Variants in PDE1A observed in about 807,000 individuals in gnomAD.
PDE1A encodes phosphodiesterase 1A, also known as dual specificity calcium/calmodulin-dependent 3',5'-cyclic nucleotide phosphodiesterase 1A.
A neutral mutation model predicts 61.7 loss-of-function variants in PDE1A; 35 were observed. The observed-to-expected ratio is 0.57, with a 90% CI of 0.43 to 0.75. The LOEUF is 0.75. Ranked by LOEUF, PDE1A falls within the 30% of genes least tolerant of loss-of-function variation. The pLI is 0.00. For synonymous variants in PDE1A, 232 were observed against 213.2 expected, an observed-to-expected ratio of 1.09 and a Z score of -0.77; for missense variants, 597 against 630.6, an observed-to-expected ratio of 0.95 and a Z score of 0.57.
At chr2:182,716,166 C>G in the PDE1A span, 1 of 152,462 alleles carries the variant, frequency 6.6e-6, no homozygotes, top group Non-Finnish European at 1.5e-5. Flanking sequence ...CCCTCTCCAC[C>G]CCACCGCCGC....
At chr2:182,256,181 C>T (rs1370521079) in intron 2 of PDE1A, among the ~76,000 whole-genome samples, 2 of 142,858 alleles carry the variant, frequency 1.4e-5, no homozygotes, top group African/African-American at 5.4e-5. Flanking sequence ...GTGCGCTGCA[C>T]CCACTAACTC....
chr2:182,595,642 C>G, the PDE1A span, among the ~76,000 whole-genome samples: 1 of 152,192 alleles, frequency 6.6e-6, no homozygotes, highest in African/African-American at 2.4e-5. Flanking sequence ...GTCTCTTTCT[C>G]CCTCTGAAGT....
intron 1 of PDE1A, among the ~76,000 whole-genome samples, chr2:182,268,353 G>A (rs1006258186): frequency 9.9e-5 from 15 of 151,914 alleles, no homozygotes; most frequent in Non-Finnish European, 1.2e-4. Flanking sequence ...CTAGGGCTGT[G>A]TAAAAGAATA....
chr2:182,453,272 G>A (rs937350286), intron 2 of PDE1A, among the ~76,000 whole-genome samples: 3 of 151,902 alleles, frequency 2.0e-5, no homozygotes, highest in Admixed American at 6.6e-5. Context: ...AAGCTGATAC[G>A]GTGATGAAAG....
the PDE1A span, among the ~76,000 whole-genome samples, chr2:182,570,974 T>G: frequency 6.6e-6 from 1 of 152,216 alleles, no homozygotes; most frequent in South Asian, 2.1e-4. Flanking sequence ...TGAGTTGATA[T>G]GGATATTATA....
At chr2:182,501,137 A>T (rs1490310223) in intron 2 of PDE1A, among the ~76,000 whole-genome samples, 1 of 152,198 alleles carries the variant, frequency 6.6e-6, no homozygotes, top group East Asian at 1.9e-4. Context: ...AGTCAACTGA[A>T]ACTACTACTA....
At chr2:182,555,253 A>G in the PDE1A span, among the ~76,000 whole-genome samples, 1 of 152,222 alleles carries the variant, frequency 6.6e-6, no homozygotes, top group Non-Finnish European at 1.5e-5. Flanking sequence ...ACAGCTTTCC[A>G]TGCTACCTGA....
At chr2:182,560,822 G>A in the PDE1A span, among the ~76,000 whole-genome samples, 6 of 152,264 alleles carry the variant, frequency 3.9e-5, no homozygotes, top group South Asian at 1.2e-3. Context: ...CAGTGATGGT[G>A]AGCATTTTTT....
intron 2 of PDE1A, among the ~76,000 whole-genome samples, chr2:182,501,516 C>T (rs1388811111): frequency 1.3e-5 from 2 of 152,168 alleles, no homozygotes; most frequent in Non-Finnish European, 2.9e-5. Flanking sequence ...GAGAAAGCCT[C>T]CTAATGAAAT....
At chr2:182,463,622 G>A (rs934319069) in intron 2 of PDE1A, 6 of 152,180 alleles carry the variant, frequency 3.9e-5, no homozygotes, top group Non-Finnish European at 7.4e-5. Flanking sequence ...GTCAAGAAGA[G>A]CAGGAACAAT....
At chr2:182,414,126 A>T (rs1702779847) in intron 1 of PDE1A, among the ~76,000 whole-genome samples, 1 of 152,294 alleles carries the variant, frequency 6.6e-6, no homozygotes, top group Middle Eastern at 3.4e-3. Context: ...GAAGAGGTGT[A>T]TTCACAAAGG....
chr2:182,632,234 TG>T, the PDE1A span, among the ~76,000 whole-genome samples: 27 of 152,176 alleles, frequency 1.8e-4, no homozygotes, highest in Non-Finnish European at 5.9e-5. Context: ...TTTCATTAAC[TG>T]TACCACCATT....
intron 3 of PDE1A, among the ~76,000 whole-genome samples, chr2:182,235,534 C>T (rs1047199585): frequency 2.0e-5 from 3 of 152,166 alleles, no homozygotes; most frequent in Admixed American, 2.0e-4. Context: ...GAACCCCCTC[C>T]ATGAATTCAT....
chr2:182,444,438 C>T (rs549771718), intron 2 of PDE1A, among the ~76,000 whole-genome samples: 1 of 152,218 alleles, frequency 6.6e-6, no homozygotes, highest in East Asian at 1.9e-4. Flanking sequence ...TGTAACTTTC[C>T]TGTCTCATTT....
chr2:182,704,451 G>A, the PDE1A span, among the ~76,000 whole-genome samples: 1 of 152,114 alleles, frequency 6.6e-6, no homozygotes, highest in Non-Finnish European at 1.5e-5. Context: ...TTGTTAAAAT[G>A]TATTAGGAAG....
At chr2:182,515,539 T>C (rs1335782559) in intron 2 of PDE1A, among the ~76,000 whole-genome samples, 2 of 152,202 alleles carry the variant, frequency 1.3e-5, no homozygotes, top group African/African-American at 2.4e-5. Context: ...ATAATGTTAG[T>C]TCTATAAACT....
chr2:182,491,503 C>G (rs1688392719), intron 2 of PDE1A, among the ~76,000 whole-genome samples: 1 of 152,116 alleles, frequency 6.6e-6, no homozygotes, highest in South Asian at 2.1e-4. Flanking sequence ...GCTACAAGGA[C>G]TACGCTGGAA....
At chr2:182,506,103 G>A (rs1004040409) in intron 2 of PDE1A, among the ~76,000 whole-genome samples, 1 of 152,130 alleles carries the variant, frequency 6.6e-6, no homozygotes, top group Non-Finnish European at 1.5e-5. Context: ...ATGATGTTAT[G>A]CTATACAAGT....
chr2:182,260,986 T>C (rs540472428), intron 2 of PDE1A, among the ~76,000 whole-genome samples: 2 of 152,348 alleles, frequency 1.3e-5, no homozygotes, highest in South Asian at 4.1e-4. Context: ...ATATACAATC[T>C]GGTAATAATA....
Sources: gnomAD v4.1 joint callset for allele counts (sites outside exome capture counted in the v4.1 genomes callset) on GRCh38, gnomAD v4.1.1 for gene constraint, MANE v1.5 for transcripts, NCBI Gene and HGNC (gene_info 2026-07-23, HGNC 2026-07-21) for gene names.